Variants in PXT1 observed in about 807,000 individuals in gnomAD.
PXT1 encodes peroxisomal testis enriched protein 1.
PXT1 carries 11 observed loss-of-function variants against 11.0 expected under a neutral mutation model. The observed-to-expected ratio is 1.00, with a 90% CI of 0.63 to 1.66. PXT1 has a LOEUF of 1.66. Ranked by LOEUF, PXT1 falls within the 40% of genes most tolerant of loss-of-function variation. PXT1 has a pLI of 0.00. For synonymous variants in PXT1, 43 were observed against 51.4 expected (o/e 0.84, Z 0.70); for missense variants, 141 against 155.5 (o/e 0.91, Z 0.49).
chr6:36,420,288 T>C (rs945176137), intron 3 of PXT1, among the ~76,000 whole-genome samples: 1 of 152,192 alleles, frequency 6.6e-6, no homozygotes, highest in African/African-American at 2.4e-5. Context: ...TGTAAGTCAG[T>C]AGGGAACAGT....
At chr6:36,417,962 T>C (rs1774474119) in intron 3 of PXT1, among the ~76,000 whole-genome samples, 1 of 151,978 alleles carries the variant, frequency 6.6e-6, no homozygotes, top group African/African-American at 2.4e-5. Flanking sequence ...TCTGGGAGGC[T>C]GAGGCGGGCG....
At chr6:36,421,624 T>G (rs1774526571) in intron 3 of PXT1, among the ~76,000 whole-genome samples, 1 of 152,230 alleles carries the variant, frequency 6.6e-6, no homozygotes, top group Non-Finnish European at 1.5e-5. Flanking sequence ...TAGAACTTTT[T>G]AATTTCTACA....
chr6:36,427,488 G>A (rs373080016), intron 2 of PXT1, among the ~76,000 whole-genome samples: 4 of 152,108 alleles, frequency 2.6e-5, no homozygotes, highest in Admixed American at 1.3e-4. Flanking sequence ...TGGACTTCAG[G>A]AGCCTTACAT....
At position 36,391,053 on chromosome 6, in the gene PXT1, G is replaced by A. The variant is rs1774058772; in HGVS notation, c.*717C>T. 6.6e-6 allele frequency: 1 copy of A among 152,434 alleles called. No homozygotes were observed. The highest frequency in any genetic ancestry group is 1.5e-5 in the Non-Finnish European group (1 of 68,218). The allele number at this position is 152,434 out of a possible 1,614,324, so 9.4% of individuals were successfully genotyped here. A position where few individuals can be genotyped will look rare whatever the true frequency, so the allele number is the denominator to read the frequency against. ...TGGAGTGGTGAAGGAAGACTTGAAG[G>A]GGGTCACAGAGGAGTGAGGGGATCA... On this transcript the variant is annotated 3_prime_UTR_variant, in exon 5 of 5. Transcript: ENST00000454782.
intron 3 of PXT1, among the ~76,000 whole-genome samples, chr6:36,405,096 T>C (rs1011379441): frequency 2.6e-5 from 4 of 152,146 alleles, no homozygotes; most frequent in African/African-American, 9.7e-5. Flanking sequence ...GGACAAGATA[T>C]GGAGGTGGAA....
At chr6:36,408,811 G>T (rs1474366155) in intron 3 of PXT1, among the ~76,000 whole-genome samples, 1 of 151,824 alleles carries the variant, frequency 6.6e-6, no homozygotes, top group African/African-American at 2.4e-5. Flanking sequence ...AGCCTGGGAG[G>T]TTGAGGCTGC....
intron 2 of PXT1, among the ~76,000 whole-genome samples, chr6:36,428,701 T>G (rs2127417239): frequency 6.6e-6 from 1 of 152,258 alleles, no homozygotes; most frequent in South Asian, 2.1e-4. Context: ...TGTTAATAGG[T>G]ATTCATTGAA....
At chr6:36,430,944 G>A (rs547966) in intron 2 of PXT1, among the ~76,000 whole-genome samples, 67,273 of 151,728 alleles carry the variant, frequency 0.44, 16,745 homozygotes, top group African/African-American at 0.66. Context: ...CCTCCTGAGT[G>A]GCTGGGATTA....
At chr6:36,433,158 A>G (rs1182947245) in intron 2 of PXT1, among the ~76,000 whole-genome samples, 1 of 151,660 alleles carries the variant, frequency 6.6e-6, no homozygotes, top group Non-Finnish European at 1.5e-5. Flanking sequence ...TGGAGGAATC[A>G]GGGGGGAAAA....
chr6:36,409,953 A>AAGAAAGAGAG (rs1774344269), intron 3 of PXT1, among the ~76,000 whole-genome samples: 1 of 48,110 alleles, frequency 2.1e-5, no homozygotes, highest in East Asian at 8.2e-4. Context: ...AAGAAAGAGA[A>AAGAAAGAGAG]AGGAAGAAAG....
intron 2 of PXT1, among the ~76,000 whole-genome samples, chr6:36,427,780 T>G (rs1444063627): frequency 6.6e-6 from 1 of 152,138 alleles, no homozygotes; most frequent in Non-Finnish European, 1.5e-5. Flanking sequence ...TAGGCATATT[T>G]TGGGTGCTCA....
chr6:36,422,911 A>G (rs1326952103), intron 3 of PXT1, among the ~76,000 whole-genome samples: 1 of 152,304 alleles, frequency 6.6e-6, no homozygotes, highest in East Asian at 1.9e-4. Flanking sequence ...CCGCACAGCA[A>G]TGGTGGGCAG....
intron 2 of PXT1, among the ~76,000 whole-genome samples, chr6:36,437,881 G>A (rs185870462): frequency 4.5e-4 from 63 of 139,280 alleles, no homozygotes; most frequent in Admixed American, 3.9e-3. Flanking sequence ...GTGCAGTGGC[G>A]CTATCTCGGC....
At chr6:36,414,509 C>T (rs1774420700) in intron 3 of PXT1, among the ~76,000 whole-genome samples, 1 of 152,120 alleles carries the variant, frequency 6.6e-6, no homozygotes, top group Non-Finnish European at 1.5e-5. Flanking sequence ...TACTTCCTTC[C>T]AAAAAGATAT....
At position 36,390,673 on chromosome 6, in the gene PXT1, A is replaced by G. The variant is rs746226260; in HGVS notation, c.*1097T>C. 2.0e-5 allele frequency: 3 copies of G among 152,318 alleles called. No individual in the cohort carries two copies. Among genetic ancestry groups the G allele is most frequent in the Non-Finnish European group, 4.4e-5 (3 of 68,036 alleles). 9.4% of individuals were successfully genotyped at this position (152,318 alleles called of 1,614,324 possible). ...TAATTTATAACAACAAGCTTTCCTAATATTTATAATTCTTTTAAAGGAGGG... is the reference window on the plus strand; with the variant it reads ...TAATTTATAACAACAAGCTTTCCTAGTATTTATAATTCTTTTAAAGGAGGG... On this transcript the variant is annotated 3_prime_UTR_variant, in exon 5 of 5. Transcript: ENST00000454782.
intron 3 of PXT1, 109 bp downstream of exon 3, chr6:36,425,805 A>AAACAAACAAACAAAAAAAAAAT (rs1554154141): frequency 3.9e-5 from 13 of 335,678 alleles, no homozygotes; most frequent in African/African-American, 3.0e-4. Flanking sequence ...AAAAACAAAA[A>AAACAAACAAACAAAAAAAAAAT]ATATATATAT....
In PXT1 at chr6:36,400,510, A is replaced by T. The variant is rs1459055905; in HGVS notation, c.244T>A (p.Leu82Met). ...KHHQEEIIHK[L>M]AMQLRHIGDN... ...CCAATGTGTCTCAGCTGCATGGCCAACTTGTGAATTATTTCCTCCTGGTGA... is the reference window on the plus strand; with the variant it reads ...CCAATGTGTCTCAGCTGCATGGCCATCTTGTGAATTATTTCCTCCTGGTGA... The change falls in exon 4 of 5, where the codon TTG (leucine) becomes ATG (methionine). Residue 82 changes from leucine to methionine, a missense_variant. By Grantham distance (15) the Leu-to-Met change is conservative. Coordinates refer to ENST00000454782, the MANE Select transcript of PXT1 (RefSeq NM_152990.4). The T allele has an allele frequency of 4.3e-6, 7 of 1,613,936 alleles. No homozygotes were observed. The highest frequency in any genetic ancestry group is 5.9e-6 in the Non-Finnish European group (7 of 1,179,960).
intron 3 of PXT1, among the ~76,000 whole-genome samples, chr6:36,413,416 C>CA (rs1412787265): frequency 3.8e-4 from 43 of 113,696 alleles, no homozygotes; most frequent in Middle Eastern, 5.3e-3. Context: ...GACTCCATCT[C>CA]AAAAAAAATA....
At chr6:36,434,373 T>C (rs1031243618) in intron 2 of PXT1, among the ~76,000 whole-genome samples, 1 of 152,132 alleles carries the variant, frequency 6.6e-6, no homozygotes, top group Admixed American at 6.5e-5. Context: ...CTTGTTGAAA[T>C]ACTATACCCT....
Sources: allele counts gnomAD v4.1 joint callset (sites outside exome capture counted in the v4.1 genomes callset), GRCh38; gene constraint gnomAD v4.1.1; transcripts MANE v1.5; gene names NCBI Gene and HGNC (gene_info 2026-07-23, HGNC 2026-07-21).